The following KALRN variants were observed in gnomAD, a reference collection of about 807,000 sequenced individuals.
KALRN encodes the protein kalirin.
In KALRN, 70 loss-of-function variants were observed where a neutral mutation model predicts 353.7. The observed-to-expected ratio is 0.20, with a 90% CI of 0.16 to 0.24. KALRN has a LOEUF of 0.24. Ranked by LOEUF, KALRN falls within the 10% of genes least tolerant of loss-of-function variation. The probability of loss-of-function intolerance (pLI) is 1.00; values close to 1 mark genes in which losing one functional copy is unlikely to be tolerated. For missense variants in KALRN, 2,791 were observed against 3,756.7 expected (o/e 0.74, Z 6.72); for synonymous variants, 1,391 against 1,434.8 (o/e 0.97, Z 0.69).
At chr3:124,347,055 G>T in intron 9 of KALRN, 88 bp from the exon 10 acceptor site, 1 of 1,586,060 alleles carries the variant, frequency 6.3e-7, no homozygotes, top group Non-Finnish European at 8.6e-7. Context: ...GGATATAGGG[G>T]TGGTTAGGAC....
intron 1 of KALRN, among the ~76,000 whole-genome samples, chr3:124,056,686 C>G (rs950180697): frequency 1.3e-5 from 2 of 152,218 alleles, no homozygotes; most frequent in Non-Finnish European, 2.9e-5. Flanking sequence ...GTACAACAAC[C>G]TGCCACTGGC....
At chr3:124,425,286 A>G (rs2092964346) in intron 15 of KALRN, among the ~76,000 whole-genome samples, 1 of 152,244 alleles carries the variant, frequency 6.6e-6, no homozygotes, top group Non-Finnish European at 1.5e-5. Flanking sequence ...AATGTTTCCA[A>G]CACAAATAAA....
chr3:124,161,498 A>T (rs1299577377), intron 1 of KALRN, among the ~76,000 whole-genome samples: 1 of 152,328 alleles, frequency 6.6e-6, no homozygotes, highest in East Asian at 1.9e-4. Context: ...CTCCTGCCTT[A>T]GCACTACTTT....
intron 1 of KALRN, among the ~76,000 whole-genome samples, chr3:124,111,850 T>C (rs1335024420): frequency 6.6e-6 from 1 of 152,152 alleles, no homozygotes; most frequent in African/African-American, 2.4e-5. Flanking sequence ...GGAAATTCAC[T>C]CCCCAAACTT....
intron 33 of KALRN, among the ~76,000 whole-genome samples, chr3:124,558,927 C>T (rs1051692544): frequency 1.3e-5 from 2 of 152,246 alleles, no homozygotes; most frequent in African/African-American, 4.8e-5. Context: ...CACAGAATAA[C>T]TGTGTCTTTT....
At chr3:124,379,275 C>T (rs900338049) in intron 10 of KALRN, among the ~76,000 whole-genome samples, 2 of 151,918 alleles carry the variant, frequency 1.3e-5, no homozygotes, top group Admixed American at 6.6e-5. Flanking sequence ...ATATGGAATA[C>T]AATTATAATA....
chr3:124,512,176 G>A (rs1561187884), intron 33 of KALRN, among the ~76,000 whole-genome samples: 1 of 152,166 alleles, frequency 6.6e-6, no homozygotes. Flanking sequence ...TGGTTTGAGG[G>A]GCAAGAACTT....
intron 34 of KALRN, chr3:124,584,732 G>A (rs2074959864): frequency 2.0e-6 from 3 of 1,504,996 alleles, no homozygotes; most frequent in Non-Finnish European, 2.7e-6. Flanking sequence ...GCCGGCTCTC[G>A]GGCGGCGGCG....
chr3:124,353,824 G>A (rs2083093682), intron 10 of KALRN, among the ~76,000 whole-genome samples: 1 of 152,222 alleles, frequency 6.6e-6, no homozygotes, highest in Non-Finnish European at 1.5e-5. Flanking sequence ...AAGTGGGCAA[G>A]TGGAGGAATG....
At chr3:124,516,727 A>G (rs1307493538) in intron 33 of KALRN, among the ~76,000 whole-genome samples, 1 of 150,166 alleles carries the variant, frequency 6.7e-6, no homozygotes, top group Non-Finnish European at 1.5e-5. Context: ...GCCACCTTCC[A>G]TGCTAATGAC....
intron 1 of KALRN, among the ~76,000 whole-genome samples, chr3:124,063,837 T>C (rs1398214284): frequency 6.6e-6 from 1 of 152,222 alleles, no homozygotes; most frequent in Non-Finnish European, 1.5e-5. Context: ...GCACTGACTT[T>C]GGCTAGTAGG....
At chr3:124,337,142 C>T (rs922275453) in intron 9 of KALRN, among the ~76,000 whole-genome samples, 6 of 152,076 alleles carry the variant, frequency 3.9e-5, no homozygotes, top group South Asian at 2.1e-4. Flanking sequence ...ATTTGAATAC[C>T]CTTTATTTCT....
intron 2 of KALRN, among the ~76,000 whole-genome samples, chr3:124,230,587 G>A (rs945174326): frequency 1.9e-4 from 29 of 152,280 alleles, no homozygotes; most frequent in Non-Finnish European, 3.7e-4. Flanking sequence ...GGCCAGGAAG[G>A]CAGTCAGGAA....
chr3:124,149,945 C>T (rs906582723), intron 1 of KALRN, among the ~76,000 whole-genome samples: 17 of 152,168 alleles, frequency 1.1e-4, no homozygotes, highest in African/African-American at 3.9e-4. Flanking sequence ...AATAGCATAG[C>T]TGTGTTTCTT....
chr3:124,352,209 A>G (rs1370074548), intron 10 of KALRN, among the ~76,000 whole-genome samples: 1 of 152,242 alleles, frequency 6.6e-6, no homozygotes, highest in African/African-American at 2.4e-5. Flanking sequence ...AATATAAACA[A>G]GTGTAAGATG....
intron 10 of KALRN, among the ~76,000 whole-genome samples, chr3:124,361,960 G>T (rs1000109879): frequency 2.0e-5 from 3 of 152,100 alleles, no homozygotes; most frequent in East Asian, 3.8e-4. Flanking sequence ...CCTTCCTGCT[G>T]GTCCAGGTGT....
intron 34 of KALRN, among the ~76,000 whole-genome samples, chr3:124,617,618 C>T (rs2078764976): frequency 6.6e-6 from 1 of 152,128 alleles, no homozygotes; most frequent in Admixed American, 6.5e-5. Context: ...TCTTATAGGA[C>T]ACTGGTCTTC....
chr3:124,320,454 C>A (rs534945590), intron 6 of KALRN, among the ~76,000 whole-genome samples: 2 of 152,310 alleles, frequency 1.3e-5, no homozygotes, highest in East Asian at 3.9e-4. Flanking sequence ...CTGCCTCTCT[C>A]GAGCTGAAGA....
intron 10 of KALRN, among the ~76,000 whole-genome samples, chr3:124,368,460 G>A (rs1336507731): frequency 2.0e-5 from 3 of 149,372 alleles, no homozygotes; most frequent in Admixed American, 6.6e-5. Context: ...CATCTCAGAC[G>A]ATGGGCGGCC....
Sources: allele counts gnomAD v4.1 joint callset (sites outside exome capture counted in the v4.1 genomes callset), GRCh38; gene constraint gnomAD v4.1.1; transcripts MANE v1.5; gene names NCBI Gene and HGNC (gene_info 2026-07-23, HGNC 2026-07-21).